The following TMCC1 variants were observed in gnomAD, a reference collection of about 807,000 sequenced individuals.
TMCC1 encodes transmembrane and coiled-coil domain family 1.
TMCC1 carries 15 observed loss-of-function variants against 52.4 expected under a neutral mutation model. That is an observed-to-expected ratio of 0.29 (90% confidence interval 0.19 to 0.44). The LOEUF is 0.44. TMCC1 is among the 20% of genes least tolerant of loss of function. The probability of loss-of-function intolerance (pLI) is 1.00; values close to 1 mark genes in which losing one functional copy is unlikely to be tolerated. For synonymous variants in TMCC1, 279 were observed against 301.9 expected, an observed-to-expected ratio of 0.92 and a Z score of 0.79; for missense variants, 503 against 806.0, an observed-to-expected ratio of 0.62 and a Z score of 4.55.
At chr3:129,819,033 G>A (rs141884461) in intron 4 of TMCC1, 3 of 152,948 alleles carry the variant, frequency 2.0e-5, no homozygotes, top group Non-Finnish European at 2.9e-5. Context: ...ACTAGCCTAA[G>A]ACGAAATGAA....
chr3:129,677,032 G>C (rs2088512242), intron 4 of TMCC1, among the ~76,000 whole-genome samples: 1 of 151,920 alleles, frequency 6.6e-6, no homozygotes, highest in South Asian at 2.1e-4. Context: ...GGGAGGCCGA[G>C]ATGGGCAGAT....
chr3:129,693,496 A>G (rs1271495851), intron 4 of TMCC1, among the ~76,000 whole-genome samples: 1 of 143,554 alleles, frequency 7.0e-6, no homozygotes, highest in Non-Finnish European at 1.5e-5. Flanking sequence ...GCCTTCCCCA[A>G]GATTGAATTT....
chr3:129,836,168 A>C (rs1413826313), intron 2 of TMCC1, among the ~76,000 whole-genome samples: 1 of 152,170 alleles, frequency 6.6e-6, no homozygotes, highest in Non-Finnish European at 1.5e-5. Flanking sequence ...ACAATTTTAA[A>C]TTTGTATGCA....
At chr3:129,736,711 A>G (rs966301646) in intron 4 of TMCC1, among the ~76,000 whole-genome samples, 1 of 151,872 alleles carries the variant, frequency 6.6e-6, no homozygotes, top group Non-Finnish European at 1.5e-5. Context: ...TAGTAGAGAC[A>G]GGGTTTCACT....
At chr3:129,685,150 A>G (rs928517134) in intron 4 of TMCC1, among the ~76,000 whole-genome samples, 1 of 152,176 alleles carries the variant, frequency 6.6e-6, no homozygotes, top group African/African-American at 2.4e-5. Context: ...AGGCAGACAC[A>G]GGAGGATTAG....
chr3:129,791,470 G>A (rs1254084617), intron 4 of TMCC1, among the ~76,000 whole-genome samples: 3 of 152,030 alleles, frequency 2.0e-5, no homozygotes, highest in Admixed American at 6.6e-5. Context: ...CGTTTGACTC[G>A]GCTTCCTATT....
At chr3:129,676,428 T>A (rs2088454641) in intron 4 of TMCC1, among the ~76,000 whole-genome samples, 1 of 152,218 alleles carries the variant, frequency 6.6e-6, no homozygotes. Context: ...TTGTCTGCAT[T>A]GTATCTCTTA....
chr3:129,837,779 CAT>C (rs1489485051), intron 2 of TMCC1, among the ~76,000 whole-genome samples: 9 of 152,044 alleles, frequency 5.9e-5, no homozygotes, highest in Non-Finnish European at 5.9e-5. Flanking sequence ...AGGTAGACAA[CAT>C]ATGAGATCAG....
chr3:129,733,923 T>C (rs573873873), intron 4 of TMCC1, among the ~76,000 whole-genome samples: 14 of 152,196 alleles, frequency 9.2e-5, no homozygotes, highest in Non-Finnish European at 1.9e-4. Flanking sequence ...TTTGTGAAGA[T>C]GCAGGTCAAT....
intron 4 of TMCC1, among the ~76,000 whole-genome samples, chr3:129,762,038 C>CTT (rs1306028544): frequency 8.0e-4 from 96 of 119,502 alleles, no homozygotes; most frequent in African/African-American, 2.3e-3. Context: ...AGATTTCTAA[C>CTT]TTTTTTTTTT....
At chr3:129,886,289 A>T (rs975463947) in intron 1 of TMCC1, among the ~76,000 whole-genome samples, 1 of 152,224 alleles carries the variant, frequency 6.6e-6, no homozygotes, top group African/African-American at 2.4e-5. Flanking sequence ...GTATTCACTA[A>T]GGAATACCAT....
intron 4 of TMCC1, among the ~76,000 whole-genome samples, chr3:129,745,111 T>C (rs1267831865): frequency 6.6e-6 from 1 of 152,216 alleles, no homozygotes; most frequent in Non-Finnish European, 1.5e-5. Flanking sequence ...ATGTGCTAAA[T>C]GAAATTAAAC....
At chr3:129,845,190 TCACACA>T (rs67832332) in intron 2 of TMCC1, among the ~76,000 whole-genome samples, 13,559 of 148,330 alleles carry the variant, frequency 0.091, 656 homozygotes, top group African/African-American at 0.13. Flanking sequence ...CCTGTCACAC[TCACACA>T]CACACACACA....
intron 4 of TMCC1, among the ~76,000 whole-genome samples, chr3:129,683,574 T>C (rs1274715814): frequency 6.6e-6 from 1 of 152,222 alleles, no homozygotes; most frequent in Non-Finnish European, 1.5e-5. Flanking sequence ...TCAATAGGTT[T>C]TTAATTCTTT....
At position 129,727,711 on chromosome 3, in the gene TMCC1, T is replaced by C. The variant is rs2050215004; in HGVS notation, c.577-56447A>G. On this transcript the variant is annotated intron_variant, in intron 4 of 6. Transcript: ENST00000393238. ...AAATAAAACAAAAGCCCTCACTATC[T>C]GCAACTGACAGTAATTTGGAGGTCC... Among the ~76,000 whole-genome samples, 4 of 152,290 alleles carry C rather than the reference T, an allele frequency of 2.6e-5. No individual in the cohort carries two copies. The South Asian group carries it at 6.2e-4, about 24-fold the overall frequency.
chr3:129,660,456 A>G (rs1057094257), intron 5 of TMCC1, among the ~76,000 whole-genome samples: 4 of 152,132 alleles, frequency 2.6e-5, no homozygotes, highest in Non-Finnish European at 5.9e-5. Context: ...CATGGCCTTA[A>G]GTCTTCATTT....
At chr3:129,788,847 A>C (rs1323230578) in intron 4 of TMCC1, among the ~76,000 whole-genome samples, 1 of 152,078 alleles carries the variant, frequency 6.6e-6, no homozygotes, top group African/African-American at 2.4e-5. Flanking sequence ...AAAATGTTTG[A>C]TCTCCTATAA....
rs115742274 is a variant in TMCC1 at position 129,766,592 on chromosome 3, A to G, written c.576+61211T>C. On this transcript the variant is annotated intron_variant, in intron 4 of 6. Coordinates refer to ENST00000393238, the MANE Select transcript of TMCC1 (RefSeq NM_001017395.5). ...TTTAGATTGTATGACAATGCTCACT[A>G]TTTAAACAAATCTTATGGGTTTTGT... Among the ~76,000 whole-genome samples, 455 of 152,232 alleles carry G rather than the reference A, an allele frequency of 3.0e-3. 3 individuals carry two copies. Among genetic ancestry groups the G allele is most frequent in the African/African-American group, 0.011 (438 of 41,552 alleles).
chr3:129,882,626 C>T (rs2061510596), intron 1 of TMCC1, among the ~76,000 whole-genome samples: 1 of 152,158 alleles, frequency 6.6e-6, no homozygotes, highest in East Asian at 1.9e-4. Context: ...TGTCATATGT[C>T]CATGAACAGA....
Sources: gnomAD v4.1 joint callset for allele counts (sites outside exome capture counted in the v4.1 genomes callset) on GRCh38, gnomAD v4.1.1 for gene constraint, MANE v1.5 for transcripts, NCBI Gene and HGNC (gene_info 2026-07-23, HGNC 2026-07-21) for gene names.